INTU: variants seen among roughly 807,000 people sequenced by gnomAD.
The protein encoded by INTU is inturned planar cell polarity protein, also known as protein inturned.
A neutral mutation model predicts 100.5 loss-of-function variants in INTU; 68 were observed. That is an observed-to-expected ratio of 0.68 (90% CI 0.56 to 0.83). INTU has a LOEUF of 0.83. Ranked by LOEUF, INTU falls within the 40% of genes least tolerant of loss-of-function variation. The pLI is 0.00. For missense variants in INTU, 1,071 were observed against 1,114.7 expected (o/e 0.96, Z 0.56); for synonymous variants, 357 against 395.7 (o/e 0.90, Z 1.16).
chr4:127,711,500 A>G (rs1006881391), intron 14 of INTU, among the ~76,000 whole-genome samples: 2 of 152,150 alleles, frequency 1.3e-5, no homozygotes, highest in African/African-American at 4.8e-5. Flanking sequence ...TTGGAATATA[A>G]TGGATTAAGG....
intron 6 of INTU, among the ~76,000 whole-genome samples, chr4:127,677,654 A>T (rs1245772986): frequency 6.6e-6 from 1 of 152,152 alleles, no homozygotes; most frequent in East Asian, 1.9e-4. Flanking sequence ...ACGGGGAAAA[A>T]ACAGAGCAGA....
intron 9 of INTU, among the ~76,000 whole-genome samples, chr4:127,701,822 G>A (rs180841185): frequency 1.1e-4 from 17 of 152,252 alleles, no homozygotes; most frequent in African/African-American, 3.4e-4. Flanking sequence ...GCCATGAGGT[G>A]TGGATTATTC....
chr4:127,700,772 T>TA (rs370306956), intron 9 of INTU, among the ~76,000 whole-genome samples: 14,193 of 137,690 alleles, frequency 0.1, 1,305 homozygotes, highest in East Asian at 0.28. Flanking sequence ...ATAATGATAC[T>TA]AAAAAAAAAA....
intron 4 of INTU, among the ~76,000 whole-genome samples, chr4:127,666,263 T>G (rs1292177910): frequency 2.0e-5 from 3 of 152,190 alleles, no homozygotes; most frequent in Non-Finnish European, 2.9e-5. Context: ...CTATACTCTA[T>G]TCTAGATCTA....
In INTU at chr4:127,723,768, A is replaced by C. The variant is rs1357564227; in HGVS notation, c.*7332A>C. The C allele has an allele frequency of 1.3e-5, 2 of 150,822 alleles. No homozygotes were observed. Among genetic ancestry groups the C allele is most frequent in the African/African-American group, 4.9e-5 (2 of 41,010 alleles). The allele number at this position is 150,822 out of a possible 1,614,324, so 9.3% of individuals were successfully genotyped here. On this transcript the variant is annotated 3_prime_UTR_variant, in exon 16 of 16. Transcript: ENST00000335251. ...GTGGATCACTTGAGTCCAGGAGTTC[A>C]AGACCAGCCTGAGCAACATAGCAAA...
chr4:127,645,552 T>TTTTA (rs572976946), intron 2 of INTU, among the ~76,000 whole-genome samples: 3,833 of 151,832 alleles, frequency 0.025, 79 homozygotes, highest in Non-Finnish European at 0.036. Flanking sequence ...TTATTTTTTA[T>TTTTA]TTTATTTATT....
chr4:127,669,563 C>A (rs1478198497), intron 5 of INTU, among the ~76,000 whole-genome samples: 1 of 151,742 alleles, frequency 6.6e-6, no homozygotes, highest in Non-Finnish European at 1.5e-5. Context: ...ACTTCCTAGG[C>A]AATACCTTTG....
intron 6 of INTU, among the ~76,000 whole-genome samples, chr4:127,677,837 A>C (rs947078534): frequency 1.3e-5 from 2 of 152,180 alleles, no homozygotes; most frequent in Non-Finnish European, 2.9e-5. Flanking sequence ...AAAGGCAAAG[A>C]AGTTGAAAAC....
In INTU at chr4:127,633,115, G is replaced by C. The variant is rs1053414819; in HGVS notation, c.81G>C (p.Glu27Asp). Residue 27 changes from glutamate (E) to aspartate (D), a missense_variant, in exon 1 of 16, where the codon GAG (glutamate) becomes GAC (aspartate). Glu to Asp is a conservative substitution (Grantham distance 45). Transcript: ENST00000335251. The stretch of plus-strand genomic sequence containing the variant: ...ACCCCTCTTCACAAGAAGAAGATGA[G>C]GACTATGATTTTGAAGATCGGGTCA... ...PGDPSSQEED[E>D]DYDFEDRVSD... 6.2e-7 allele frequency: 1 copy of C among 1,613,904 alleles called. No individual in the cohort carries two copies. The highest frequency in any genetic ancestry group is 8.5e-7 in the Non-Finnish European group (1 of 1,179,934).
intron 8 of INTU, among the ~76,000 whole-genome samples, chr4:127,696,531 C>G (rs78593873): frequency 9.2e-5 from 14 of 151,924 alleles, no homozygotes; most frequent in South Asian, 6.3e-4. Flanking sequence ...AATGCCCCCC[C>G]CCTTTCATTT....
rs1199156684 is a variant in INTU, at chr4:127,722,234, A to T, written c.*5798A>T. 2 of 152,152 alleles carry T rather than the reference A, an allele frequency of 1.3e-5. No homozygotes were observed. The highest frequency in any genetic ancestry group is 4.8e-5 in the African/African-American group (2 of 41,388). 9.4% of individuals were successfully genotyped at this position (152,152 alleles called of 1,614,324 possible). Reference sequence around the variant, plus strand: ...AGCTGCTGCAGTTTGCCTGGGGTCCACTCTAGACCCTATTCGCCTGGGTCT... The same window carrying T: ...AGCTGCTGCAGTTTGCCTGGGGTCCTCTCTAGACCCTATTCGCCTGGGTCT... On this transcript the variant is annotated 3_prime_UTR_variant, in exon 16 of 16. Transcript: ENST00000335251.
At chr4:127,709,868 G>T (rs565965154) in intron 13 of INTU, among the ~76,000 whole-genome samples, 14 of 152,194 alleles carry the variant, frequency 9.2e-5, no homozygotes, top group African/African-American at 3.4e-4. Context: ...TAACTTGTCT[G>T]CATAAAATAA....
At chr4:127,640,755 G>A (rs1560825981) in intron 1 of INTU, among the ~76,000 whole-genome samples, 1 of 151,230 alleles carries the variant, frequency 6.6e-6, no homozygotes, top group East Asian at 1.9e-4. Flanking sequence ...GTATTGTTAA[G>A]TGAGAAATTA....
chr4:127,644,922 T>C (rs943370413), intron 2 of INTU, among the ~76,000 whole-genome samples: 1 of 152,266 alleles, frequency 6.6e-6, no homozygotes, highest in African/African-American at 2.4e-5. Context: ...TTTGTTTTTT[T>C]AGCATCTGCT....
rs1276487857 is a variant in INTU, at chr4:127,717,099, G to C, written c.*663G>C. The C allele has an allele frequency of 6.6e-6, 1 of 152,086 alleles. No individual in the cohort carries two copies. Among genetic ancestry groups the C allele is most frequent in the African/African-American group, 2.4e-5 (1 of 41,398 alleles). The allele number at this position is 152,086 out of a possible 1,614,324, so 9.4% of individuals were successfully genotyped here. A position where few individuals can be genotyped will look rare whatever the true frequency, so the allele number is the denominator to read the frequency against. On this transcript the variant is annotated 3_prime_UTR_variant, in exon 16 of 16. Transcript: ENST00000335251. ...GCTCCACCTATCAACCCATCACCTA[G>C]GTATTAAGCCTAGCATGCATTAGCT... is the stretch of plus-strand genomic sequence containing the variant.
At chr4:127,654,051 CT>C (rs940816990) in intron 2 of INTU, among the ~76,000 whole-genome samples, 15 of 150,592 alleles carry the variant, frequency 1.0e-4, no homozygotes, top group African/African-American at 3.7e-4. Flanking sequence ...AAACCCCTGC[CT>C]TTTTTTGTTT....
intron 2 of INTU, among the ~76,000 whole-genome samples, chr4:127,650,842 G>A (rs937463561): frequency 6.6e-6 from 1 of 152,064 alleles, no homozygotes. Flanking sequence ...CACCAACAGT[G>A]TAAAAGTGTT....
At chr4:127,652,095 C>T (rs1239280408) in intron 2 of INTU, among the ~76,000 whole-genome samples, 1 of 135,728 alleles carries the variant, frequency 7.4e-6, no homozygotes, top group Non-Finnish European at 1.6e-5. Context: ...GCTGAAGTTG[C>T]TTATCAGCTT....
rs1365327500 is a variant in INTU at position 127,723,659 on chromosome 4, T to G, written c.*7223T>G. 6.6e-6 allele frequency: 1 copy of G among 152,110 alleles called. No homozygotes were observed. The highest frequency in any genetic ancestry group is 2.4e-5 in the African/African-American group (1 of 41,412). 9.4% of individuals were successfully genotyped at this position (152,110 alleles called of 1,614,324 possible). A position where few individuals can be genotyped will look rare whatever the true frequency, so the allele number is the denominator to read the frequency against. On this transcript the variant is annotated 3_prime_UTR_variant, in exon 16 of 16. Coordinates refer to ENST00000335251, the MANE Select transcript of INTU (RefSeq NM_015693.4). ...AACTATTTGTCAACTTTATTTTTTT[T>G]TGTTTGTTTTTGTTAAAATACATTC...
Sources: allele counts gnomAD v4.1 joint callset (sites outside exome capture counted in the v4.1 genomes callset), GRCh38; gene constraint gnomAD v4.1.1; transcripts MANE v1.5; gene names NCBI Gene and HGNC (gene_info 2026-07-23, HGNC 2026-07-21).